Variants in AP3B1 observed in about 807,000 individuals in gnomAD.
The protein encoded by AP3B1 is adaptor related protein complex 3 subunit beta 1.
Under a neutral mutation model 132.5 loss-of-function variants are expected in AP3B1, and 61 were observed. The observed-to-expected ratio is 0.46, with a 90% confidence interval of 0.37 to 0.57. AP3B1 has a LOEUF of 0.57. Ranked by LOEUF, AP3B1 falls within the 20% of genes least tolerant of loss-of-function variation. The pLI is 0.00. For missense variants in AP3B1, 1,120 were observed against 1,289.4 expected, an observed-to-expected ratio of 0.87 and a Z score of 2.01; for synonymous variants, 388 against 438.3, an observed-to-expected ratio of 0.89 and a Z score of 1.43.
intron 24 of AP3B1, among the ~76,000 whole-genome samples, chr5:78,030,435 G>A (rs1274254288): frequency 6.6e-6 from 1 of 152,078 alleles, no homozygotes; most frequent in Non-Finnish European, 1.5e-5. Context: ...AATTTTAAAG[G>A]TCATTTCCTT....
At chr5:78,111,874 A>G (rs955326277) in intron 19 of AP3B1, among the ~76,000 whole-genome samples, 1 of 152,170 alleles carries the variant, frequency 6.6e-6, no homozygotes. Context: ...AATGAAATTA[A>G]TATTTAGAAA....
chr5:78,119,347 G>A (rs574134818), intron 17 of AP3B1, among the ~76,000 whole-genome samples: 4 of 152,286 alleles, frequency 2.6e-5, no homozygotes, highest in South Asian at 4.1e-4. Flanking sequence ...GGAGAATGAC[G>A]TTGACGAGCT....
At chr5:78,100,920 C>T in intron 21 of AP3B1, 33 bp downstream of exon 21, 1 of 1,298,936 alleles carries the variant, frequency 7.7e-7, no homozygotes, top group Non-Finnish European at 1.1e-6. Flanking sequence ...TCTTACTAAA[C>T]ACAGAAGAAA....
chr5:78,244,822 C>T (rs1193956500), intron 2 of AP3B1, among the ~76,000 whole-genome samples: 2 of 152,126 alleles, frequency 1.3e-5, no homozygotes, highest in East Asian at 3.9e-4. Flanking sequence ...TGCTGAAATC[C>T]TGTCTCTACT....
At chr5:78,246,909 CA>C (rs1386871861) in intron 2 of AP3B1, among the ~76,000 whole-genome samples, 1 of 152,050 alleles carries the variant, frequency 6.6e-6, no homozygotes, top group Non-Finnish European at 1.5e-5. Context: ...GGTAGCTGCT[CA>C]GAGCACTGAT....
chr5:78,120,542 C>G (rs1752125884), intron 17 of AP3B1, among the ~76,000 whole-genome samples: 1 of 151,988 alleles, frequency 6.6e-6, no homozygotes, highest in Admixed American at 6.5e-5. Context: ...GGGTTGCAAT[C>G]CTAGTCTCAG....
At chr5:78,143,301 C>T (rs1253566657) in intron 14 of AP3B1, among the ~76,000 whole-genome samples, 5 of 151,842 alleles carry the variant, frequency 3.3e-5, no homozygotes, top group African/African-American at 7.3e-5. Flanking sequence ...TAAACACTCA[C>T]GATACATATA....
At chr5:78,142,328 G>C (rs554974782) in intron 14 of AP3B1, among the ~76,000 whole-genome samples, 4 of 152,192 alleles carry the variant, frequency 2.6e-5, no homozygotes, top group Non-Finnish European at 5.9e-5. Context: ...AAAGGAATTT[G>C]AGAGGGTGTG....
chr5:78,250,293 C>T (rs1054021137), intron 2 of AP3B1, among the ~76,000 whole-genome samples: 1 of 151,766 alleles, frequency 6.6e-6, no homozygotes. Context: ...AATACTTAAA[C>T]CCAAAAAAGA....
At chr5:78,051,706 G>A (rs1036810825) in intron 22 of AP3B1, among the ~76,000 whole-genome samples, 1 of 152,192 alleles carries the variant, frequency 6.6e-6, no homozygotes, top group East Asian at 1.9e-4. Flanking sequence ...GAATTTCAAA[G>A]ATATGAAAAT....
chr5:78,163,595 A>G (rs1743479059), intron 12 of AP3B1, among the ~76,000 whole-genome samples: 1 of 146,812 alleles, frequency 6.8e-6, no homozygotes, highest in African/African-American at 2.5e-5. Context: ...GTGTGTGTAT[A>G]TATATATATG....
intron 20 of AP3B1, among the ~76,000 whole-genome samples, chr5:78,106,658 G>T (rs1192788485): frequency 1.3e-5 from 2 of 152,120 alleles, no homozygotes; most frequent in African/African-American, 2.4e-5. Context: ...CAATGGCAAT[G>T]GTCTATGCAG....
intron 7 of AP3B1, among the ~76,000 whole-genome samples, chr5:78,210,406 GA>G (rs1308894652): frequency 6.6e-6 from 1 of 152,044 alleles, no homozygotes; most frequent in African/African-American, 2.4e-5. Context: ...GGCTACCACT[GA>G]AAAACTTAAG....
chr5:78,145,915 A>C (rs1753370822), intron 14 of AP3B1, among the ~76,000 whole-genome samples: 1 of 152,194 alleles, frequency 6.6e-6, no homozygotes, highest in African/African-American at 2.4e-5. Flanking sequence ...GCCCTAATAA[A>C]GTGGCTCAGG....
chr5:78,134,972 T>C (rs1752850850), intron 15 of AP3B1, among the ~76,000 whole-genome samples: 1 of 152,242 alleles, frequency 6.6e-6, no homozygotes, highest in South Asian at 2.1e-4. Context: ...TTCTGTATTA[T>C]ATTTACTTGA....
At chr5:78,004,211 G>C (rs754209196) in intron 26 of AP3B1, among the ~76,000 whole-genome samples, 1 of 152,150 alleles carries the variant, frequency 6.6e-6, no homozygotes, top group Non-Finnish European at 1.5e-5. Flanking sequence ...CCTGACAACA[G>C]CTCACAATAC....
chr5:78,097,265 A>C (rs868420188), intron 21 of AP3B1, among the ~76,000 whole-genome samples: 6 of 30,972 alleles, frequency 1.9e-4, no homozygotes, highest in South Asian at 9.7e-4. Context: ...CCGGCCAGCC[A>C]CCCCGTCCGG....
intron 19 of AP3B1, among the ~76,000 whole-genome samples, chr5:78,111,784 G>A (rs943621421): frequency 1.3e-5 from 2 of 152,090 alleles, no homozygotes; most frequent in African/African-American, 2.4e-5. Context: ...GCCAGAAAGG[G>A]CTAGGCACTT....
At chr5:78,092,572 T>C (rs1750572514) in intron 21 of AP3B1, among the ~76,000 whole-genome samples, 1 of 152,166 alleles carries the variant, frequency 6.6e-6, no homozygotes, top group Non-Finnish European at 1.5e-5. Flanking sequence ...AAATACAAAA[T>C]CTAGCATTGG....
Sources: allele counts gnomAD v4.1 joint callset (sites outside exome capture counted in the v4.1 genomes callset), GRCh38; gene constraint gnomAD v4.1.1; transcripts MANE v1.5; gene names NCBI Gene and HGNC (gene_info 2026-07-23, HGNC 2026-07-21).